CSMD3: variants seen among roughly 807,000 people sequenced by gnomAD.
The protein encoded by CSMD3 is CUB and sushi domain-containing protein 3.
In CSMD3, 177 loss-of-function variants were observed where a neutral mutation model predicts 435.2. That is an observed-to-expected ratio of 0.41 (90% confidence interval 0.36 to 0.46). CSMD3 has a LOEUF of 0.46. Ranked by LOEUF, CSMD3 falls within the 20% of genes least tolerant of loss-of-function variation. The probability of loss-of-function intolerance (pLI) is 0.34; values close to 1 mark genes in which losing one functional copy is unlikely to be tolerated. For missense variants in CSMD3, 4,265 were observed against 4,504.6 expected (o/e 0.95, Z 1.52); for synonymous variants, 1,656 against 1,520.5 (o/e 1.09, Z -2.07).
chr8:112,563,702 C>T (rs1025498712), intron 24 of CSMD3, among the ~76,000 whole-genome samples: 4 of 151,876 alleles, frequency 2.6e-5, no homozygotes, highest in Non-Finnish European at 4.4e-5. Flanking sequence ...TAGATATTGC[C>T]AAATTAATCT....
chr8:113,100,907 C>T (rs909567119), intron 4 of CSMD3, among the ~76,000 whole-genome samples: 3 of 152,038 alleles, frequency 2.0e-5, no homozygotes, highest in African/African-American at 7.2e-5. Flanking sequence ...GCAGATGGAG[C>T]AGAGGTGGGG....
chr8:112,665,049 A>T (rs1454007490), intron 17 of CSMD3, among the ~76,000 whole-genome samples: 2 of 152,128 alleles, frequency 1.3e-5, no homozygotes, highest in East Asian at 1.9e-4. Context: ...AGAAATGGCA[A>T]CCTAACTAAG....
rs146876649 is a variant in CSMD3, at chr8:113,019,610, G to T, written c.918-431C>A. Among the ~76,000 whole-genome samples, 988 of 150,250 alleles carry T rather than the reference G, an allele frequency of 6.6e-3. 11 individuals are homozygous for T. The highest frequency in any genetic ancestry group is 0.023 in the African/African-American group (947 of 41,076). On this transcript the variant is annotated intron_variant, in intron 5 of 70. Coordinates refer to ENST00000297405, the MANE Select transcript of CSMD3 (RefSeq NM_198123.2). ...GTTAATAATAAACATAACAGATATTGAGCTGATGGTGCTAGTCAACGTGCT... is the reference window on the plus strand; with the variant it reads ...GTTAATAATAAACATAACAGATATTTAGCTGATGGTGCTAGTCAACGTGCT...
intron 53 of CSMD3, among the ~76,000 whole-genome samples, chr8:112,301,379 C>T (rs376516151): frequency 5.9e-5 from 9 of 151,632 alleles, no homozygotes; most frequent in South Asian, 2.1e-4. Context: ...TGAAATAAAA[C>T]GGAAGAAAGG....
chr8:112,733,083 C>A (rs1442141585), intron 13 of CSMD3, among the ~76,000 whole-genome samples: 1 of 152,024 alleles, frequency 6.6e-6, no homozygotes, highest in East Asian at 1.9e-4. Flanking sequence ...TTTCACCAAC[C>A]AGTCCTCAAT....
intron 60 of CSMD3, among the ~76,000 whole-genome samples, chr8:112,264,894 A>T (rs1311100740): frequency 6.6e-6 from 1 of 152,082 alleles, no homozygotes; most frequent in Non-Finnish European, 1.5e-5. Context: ...AAACAGCATA[A>T]AGTAGCAAAT....
At chr8:112,911,322 A>G (rs1451353486) in intron 10 of CSMD3, among the ~76,000 whole-genome samples, 1 of 151,918 alleles carries the variant, frequency 6.6e-6, no homozygotes, top group Non-Finnish European at 1.5e-5. Flanking sequence ...TGATATTTTG[A>G]TATTTGTCTA....
chr8:113,032,404 C>T (rs1564233193), intron 5 of CSMD3, among the ~76,000 whole-genome samples: 1 of 151,550 alleles, frequency 6.6e-6, no homozygotes, highest in African/African-American at 2.4e-5. Flanking sequence ...GCAAAGGTTA[C>T]TCTTGCTATG....
At chr8:112,804,624 T>C (rs1414329420) in intron 12 of CSMD3, among the ~76,000 whole-genome samples, 1 of 151,728 alleles carries the variant, frequency 6.6e-6, no homozygotes, top group African/African-American at 2.4e-5. Context: ...TACATTTCAA[T>C]AACTTTCTCT....
Position 112,244,487 on chromosome 8 carries a change from T to C in CSMD3, c.10309A>G (p.Thr3437Ala), listed in dbSNP as rs2130111921. 1 of 1,613,768 alleles carries C rather than the reference T, an allele frequency of 6.2e-7. No homozygotes were observed. ...LPSHGYTLIYTCQPGFFLAGG... is the reference protein window; with the variant it reads ...LPSHGYTLIYACQPGFFLAGG... ...GCTAAGAAGAAGCCAGGCTGACAGG[T>C]ATAAATCAGTGTATACCCATGAGAT... Residue 3437 changes from threonine (T) to alanine (A), a missense_variant, in exon 65 of 71, where the codon ACC (threonine) becomes GCC (alanine). Coordinates refer to ENST00000297405, the MANE Select transcript of CSMD3 (RefSeq NM_198123.2).
In CSMD3 at chr8:113,068,393, A is replaced by G. The variant is rs183468468; in HGVS notation, c.917+30363T>C. Among the ~76,000 whole-genome samples, 35 of 152,300 alleles carry G rather than the reference A, an allele frequency of 2.3e-4. No homozygotes were observed. The East Asian group carries it at 6.4e-3, about 28-fold the overall frequency. On this transcript the variant is annotated intron_variant, in intron 5 of 70. Coordinates refer to ENST00000297405, the MANE Select transcript of CSMD3 (RefSeq NM_198123.2). The stretch of plus-strand genomic sequence containing the variant: ...TTTTAGAGACTCCTGCACAAGAGAA[A>G]TGTTGCTGTGATTGGTCAGATCCAG...
intron 9 of CSMD3, among the ~76,000 whole-genome samples, chr8:112,934,783 G>C (rs2083226949): frequency 6.6e-6 from 1 of 152,030 alleles, no homozygotes; most frequent in Non-Finnish European, 1.5e-5. Context: ...AAAATATTTG[G>C]GAACTTCTTG....
At chr8:113,114,856 A>T (rs2090775150) in intron 4 of CSMD3, among the ~76,000 whole-genome samples, 1 of 152,206 alleles carries the variant, frequency 6.6e-6, no homozygotes, top group Non-Finnish European at 1.5e-5. Context: ...TTCATAAATG[A>T]AGTAATATTA....
At chr8:113,150,509 C>T (rs1336140641) in intron 4 of CSMD3, among the ~76,000 whole-genome samples, 2 of 151,976 alleles carry the variant, frequency 1.3e-5, no homozygotes, top group Non-Finnish European at 2.9e-5. Context: ...GAAATTGCAG[C>T]TGTTGACAAA....
chr8:112,424,880 C>T (rs918179336), intron 32 of CSMD3, among the ~76,000 whole-genome samples: 1 of 152,040 alleles, frequency 6.6e-6, no homozygotes, highest in African/African-American at 2.4e-5. Flanking sequence ...TCAGTAGAGA[C>T]GGGGTTTCAC....
intron 13 of CSMD3, among the ~76,000 whole-genome samples, chr8:112,763,428 T>G (rs2132158568): frequency 6.6e-6 from 1 of 151,172 alleles, no homozygotes; most frequent in Middle Eastern, 3.4e-3. Context: ...CTTTTTAAAT[T>G]ATCCTAATAT....
intron 5 of CSMD3, among the ~76,000 whole-genome samples, chr8:113,035,696 TCAATAA>T (rs143520421): frequency 1.0e-3 from 152 of 152,048 alleles, no homozygotes; most frequent in African/African-American, 3.5e-3. Context: ...GGCTTGCCAG[TCAATAA>T]CATTAACAAA....
At chr8:112,608,825 C>T (rs1335198571) in intron 22 of CSMD3, among the ~76,000 whole-genome samples, 2 of 151,744 alleles carry the variant, frequency 1.3e-5, no homozygotes, top group East Asian at 3.9e-4. Context: ...GCTCTTTATC[C>T]TACACATATG....
intron 2 of CSMD3, among the ~76,000 whole-genome samples, chr8:113,283,716 A>G (rs77985218): frequency 1.3e-5 from 2 of 152,156 alleles, no homozygotes; most frequent in Admixed American, 6.6e-5. Context: ...TGATCCACCA[A>G]TACCACCACT....
Sources: gnomAD v4.1 joint callset for allele counts (sites outside exome capture counted in the v4.1 genomes callset) on GRCh38, gnomAD v4.1.1 for gene constraint, MANE v1.5 for transcripts, NCBI Gene and HGNC (gene_info 2026-07-23, HGNC 2026-07-21) for gene names.